NIFK: variants seen among roughly 807,000 people sequenced by gnomAD.
The protein encoded by NIFK is MKI67 FHA domain-interacting nucleolar phosphoprotein.
A neutral mutation model predicts 31.7 loss-of-function variants in NIFK; 16 were observed. The ratio of observed to expected loss-of-function variants is 0.50; its 90% CI spans 0.34 to 0.77. The LOEUF (loss-of-function observed/expected upper bound fraction) is 0.77. Ranked by LOEUF, NIFK falls within the 30% of genes least tolerant of loss-of-function variation. The pLI is 0.01. For synonymous variants in NIFK, 126 were observed against 123.0 expected, an observed-to-expected ratio of 1.02 and a Z score of -0.16; for missense variants, 341 against 350.4, an observed-to-expected ratio of 0.97 and a Z score of 0.21.
rs191605945 is a variant in NIFK, at chr2:121,728,413, G to A, written c.625-57C>T. The A allele has an allele frequency of 3.1e-4, 456 of 1,474,984 alleles. 1 individual carries two copies. Among genetic ancestry groups the A allele is most frequent in the Non-Finnish European group, 3.8e-4 (408 of 1,062,872 alleles). 91.4% of individuals were successfully genotyped at this position (1,474,984 alleles called of 1,614,324 possible). A position where few individuals can be genotyped will look rare whatever the true frequency, so the allele number is the denominator to read the frequency against. On this transcript the variant is annotated intron_variant, in intron 5 of 6. Transcript: ENST00000285814. ...AATATTGATCAGCTACAGTAGTCTTGAATATGTTTTCCTACTTATCCTTCT... is the reference window on the plus strand; with the variant it reads ...AATATTGATCAGCTACAGTAGTCTTAAATATGTTTTCCTACTTATCCTTCT...
intron 4 of NIFK, 31 bp downstream of exon 4, chr2:121,730,862 A>C: frequency 6.5e-7 from 1 of 1,540,596 alleles, no homozygotes; most frequent in Non-Finnish European, 9.0e-7. Flanking sequence ...TCCCCACAAC[A>C]AACCACAAAA....
At chr2:121,731,736 G>C (rs1026805844) in intron 3 of NIFK, among the ~76,000 whole-genome samples, 2 of 152,142 alleles carry the variant, frequency 1.3e-5, no homozygotes, top group Non-Finnish European at 2.9e-5. Context: ...GGAATGGTCT[G>C]TCTTCACTCC....
In NIFK at chr2:121,727,735, T is replaced by C; in HGVS notation, c.871A>G (p.Ser291Gly). The C allele has an allele frequency of 1.9e-6, 3 of 1,596,720 alleles. No individual in the cohort carries two copies. The highest frequency in any genetic ancestry group is 2.6e-6 in the Non-Finnish European group (3 of 1,175,334). Reference protein sequence around the residue: ...THSRKKRRRSSNQ With the variant: ...THSRKKRRRSGNQ ...TAATACATTGAAAATCACTGATTGC[T>C]GCTTCTTCGTCTTTTTTTCCGTGAA... The change falls in exon 7 of 7, where the codon AGC (serine) becomes GGC (glycine). Residue 291 changes from serine (S) to glycine (G), a missense_variant. Physicochemically the swap from Ser to Gly is moderately conservative, Grantham distance 56. Coordinates refer to ENST00000285814, the MANE Select transcript of NIFK (RefSeq NM_032390.5).
chr2:121,730,932 T>C lies in NIFK; in HGVS notation c.525A>G (p.Lys175=). ...FKKKERLLRK[K]LAKKGIDYDF... is the part of the protein sequence containing the mutation. Reference sequence around the variant, plus strand: ...CATAGTCAATTCCTTTTTTAGCTAATTTCTTCCTGAGTAATCTTTCTTTCT... The same window carrying C: ...CATAGTCAATTCCTTTTTTAGCTAACTTCTTCCTGAGTAATCTTTCTTTCT... The change falls in exon 4 of 7, where the codon AAA becomes AAG. Residue 175 remains lysine, a synonymous_variant. Coordinates refer to ENST00000285814, the MANE Select transcript of NIFK (RefSeq NM_032390.5). The C allele has an allele frequency of 6.2e-7, 1 of 1,613,080 alleles. No individual in the cohort carries two copies. The highest frequency in any genetic ancestry group is 8.5e-7 in the Non-Finnish European group (1 of 1,179,320).
chr2:121,734,221 G>T (rs1266414127), intron 2 of NIFK, among the ~76,000 whole-genome samples: 2 of 151,976 alleles, frequency 1.3e-5, no homozygotes, highest in Non-Finnish European at 2.9e-5. Flanking sequence ...ACTTGAATCT[G>T]GGAGGCAGAG....
intron 3 of NIFK, 188 bp from the exon 4 acceptor site, chr2:121,731,292 T>G: frequency 1.8e-6 from 1 of 547,126 alleles, no homozygotes; most frequent in Non-Finnish European, 3.2e-6. Context: ...AGCTGTGAAC[T>G]TGGGTACCTA....
At position 121,735,412 on chromosome 2, in the gene NIFK, G is replaced by A. The variant is rs141591293; in HGVS notation, c.243+201C>T. ...ACCAGGACTGTCAATTTAATGTAAG[G>A]ATTTGGAGAAATGTAAAAAACAAAC... On this transcript the variant is annotated intron_variant, in intron 2 of 6. Transcript: ENST00000285814. Among the ~76,000 whole-genome samples the A allele has an allele frequency of 6.2e-3, 948 of 152,302 alleles. 5 individuals carry two copies. The highest frequency in any genetic ancestry group is 0.014 in the Middle Eastern group (4 of 294).
chr2:121,731,771 T>C (rs952128165), intron 3 of NIFK, among the ~76,000 whole-genome samples: 3 of 152,182 alleles, frequency 2.0e-5, no homozygotes, highest in Non-Finnish European at 4.4e-5. Context: ...GGCTCACTCC[T>C]GTTTAGTCTT....
At position 121,736,796 on chromosome 2, in the gene NIFK, C is replaced by T. The variant is rs757374305; in HGVS notation, c.55G>A (p.Asp19Asn). Residue 19 changes from aspartate to asparagine, a missense_variant, in exon 1 of 7, where the codon GAT becomes AAT. By Grantham distance (23) the Asp-to-Asn change is conservative. Coordinates refer to ENST00000285814, the MANE Select transcript of NIFK (RefSeq NM_032390.5). ...GPILSLNPQEDVEFQKEVAQV... is the reference protein window; with the variant it reads ...GPILSLNPQENVEFQKEVAQV... ...GCCACCTCCTTTTGAAACTCGACAT[C>T]TTCCTGCGGATTAAGCGACAGGATT... The T allele has an allele frequency of 2.5e-6, 4 of 1,614,198 alleles. No homozygotes were observed. Among genetic ancestry groups the T allele is most frequent in the Admixed American group, 1.7e-5 (1 of 60,024 alleles).
intron 3 of NIFK, 28 bp from the exon 4 acceptor site, chr2:121,731,132 G>C: frequency 7.5e-7 from 1 of 1,342,114 alleles, no homozygotes; most frequent in Non-Finnish European, 1.0e-6. Flanking sequence ...AAAACATAAA[G>C]GTATTTTAAT....
In NIFK at chr2:121,728,542, A is replaced by G; in HGVS notation, c.565-6T>C. The G allele has an allele frequency of 2.0e-6, 3 of 1,533,566 alleles. No homozygotes were observed. The highest frequency in any genetic ancestry group is 2.7e-6 in the Non-Finnish European group (3 of 1,124,028). The allele number at this position is 1,533,566 out of a possible 1,614,324, so 95.0% of individuals were successfully genotyped here. On this transcript the variant is annotated splice_polypyrimidine_tract_variant and splice_region_variant and intron_variant, in intron 4 of 6. Coordinates refer to ENST00000285814, the MANE Select transcript of NIFK (RefSeq NM_032390.5). Reference sequence around the variant, plus strand: ...CTTTCCGTTTTCTGTAAAATCTTTAATAAAGAAGTTAGAAATTGACACTCA... The same window carrying G: ...CTTTCCGTTTTCTGTAAAATCTTTAGTAAAGAAGTTAGAAATTGACACTCA...
In NIFK at chr2:121,727,625, A is replaced by T. The variant is rs2074500548; in HGVS notation, c.*99T>A. ...CCAAACAGTGTATTTTTCCTCTGAAAATCTTGTCAAAGGTTGTATTCCATT... is the reference window on the plus strand; with the variant it reads ...CCAAACAGTGTATTTTTCCTCTGAATATCTTGTCAAAGGTTGTATTCCATT... On this transcript the variant is annotated 3_prime_UTR_variant, in exon 7 of 7. Transcript: ENST00000285814. 1.0e-6 allele frequency: 1 copy of T among 981,464 alleles called. No homozygotes were observed. The highest frequency in any genetic ancestry group is 1.6e-6 in the Non-Finnish European group (1 of 641,800). 60.8% of individuals were successfully genotyped at this position (981,464 alleles called of 1,614,324 possible).
At position 121,728,281 on chromosome 2, in the gene NIFK, AT is replaced by A; in HGVS notation, c.693+6del. The A allele has an allele frequency of 6.3e-7, 1 of 1,583,554 alleles. No individual in the cohort carries two copies. Among genetic ancestry groups the A allele is most frequent in the Non-Finnish European group, 8.6e-7 (1 of 1,161,248 alleles). On this transcript the variant is annotated splice_donor_region_variant and intron_variant, in intron 6 of 6. Coordinates refer to ENST00000285814, the MANE Select transcript of NIFK (RefSeq NM_032390.5). The stretch of plus-strand genomic sequence containing the variant: ...TCTGGTGTCTGGAGTATTGAAAACC[AT>A]TTTACCTGGCTATCCACAGTCTTCT...
rs756299604 is a variant in NIFK at position 121,727,846 on chromosome 2, C to T, written c.760G>A (p.Asp254Asn). Residue 254 changes from aspartate (D) to asparagine (N), a missense_variant, in exon 7 of 7, where the codon GAT becomes AAT. Asp to Asn is a conservative substitution (Grantham distance 23). Transcript: ENST00000285814. Reference protein sequence around the residue: ...RRKSQVAELNDDDKDDEIVFK... With the variant: ...RRKSQVAELNNDDKDDEIVFK... Reference sequence around the variant, plus strand: ...ACTATTTCATCATCTTTATCATCATCATTCAGTTCAGCCACTTGAGATTTT... The same window carrying T: ...ACTATTTCATCATCTTTATCATCATTATTCAGTTCAGCCACTTGAGATTTT... 1.3e-5 allele frequency: 21 copies of T among 1,612,566 alleles called. No homozygotes were observed. The highest frequency in any genetic ancestry group is 1.7e-5 in the Admixed American group (1 of 59,478).
intron 2 of NIFK, among the ~76,000 whole-genome samples, chr2:121,733,885 T>C (rs1314371272): frequency 2.0e-5 from 3 of 152,216 alleles, no homozygotes; most frequent in Non-Finnish European, 4.4e-5. Flanking sequence ...ACTTACCTCT[T>C]ATTGTGAGCC....
intron 1 of NIFK, 87 bp downstream of exon 1, chr2:121,736,659 C>A: frequency 8.6e-7 from 1 of 1,166,048 alleles, no homozygotes; most frequent in Non-Finnish European, 1.3e-6. Flanking sequence ...GCAAGGGGCG[C>A]CCGGGCCGGA....
rs1180113779 is a variant in NIFK, at chr2:121,726,946, C to T, written c.*778G>A. 6.5e-6 allele frequency: 1 copy of T among 155,028 alleles called. No homozygotes were observed. Among genetic ancestry groups the T allele is most frequent in the Non-Finnish European group, 1.4e-5 (1 of 70,054 alleles). 9.6% of individuals were successfully genotyped at this position (155,028 alleles called of 1,614,324 possible). A position where few individuals can be genotyped will look rare whatever the true frequency, so the allele number is the denominator to read the frequency against. ...GGATTACAGGCACAAGCTACTACAT[C>T]TGATGGCAATGTTTTTAATGAGTCT... On this transcript the variant is annotated 3_prime_UTR_variant, in exon 7 of 7. Transcript: ENST00000285814.
chr2:121,735,939 G>A (rs977554035), intron 1 of NIFK, 189 bp from the exon 2 acceptor site: 2 of 567,226 alleles, frequency 3.5e-6, no homozygotes, highest in Non-Finnish European at 6.2e-6. Flanking sequence ...TATCTTTCCA[G>A]CCTGGCATCC....
At chr2:121,730,763 T>C (rs1299701227) in intron 4 of NIFK, 130 bp downstream of exon 4, 3 of 671,498 alleles carry the variant, frequency 4.5e-6, no homozygotes, top group Non-Finnish European at 8.0e-6. Flanking sequence ...GAGAATTGCT[T>C]GAACCCAGGA....
Sources: allele counts gnomAD v4.1 joint callset (sites outside exome capture counted in the v4.1 genomes callset), GRCh38; gene constraint gnomAD v4.1.1; transcripts MANE v1.5; gene names NCBI Gene and HGNC (gene_info 2026-07-23, HGNC 2026-07-21).